ZNF804B: variants seen among roughly 807,000 people sequenced by gnomAD.
ZNF804B encodes the protein zinc finger protein 804B, also known as zinc finger 804B.
In ZNF804B, 80 loss-of-function variants were observed where a neutral mutation model predicts 101.4. The ratio of observed to expected loss-of-function variants is 0.79; its 90% CI spans 0.66 to 0.95. The LOEUF (loss-of-function observed/expected upper bound fraction) is 0.95. Among genes scored for constraint, ZNF804B ranks in the 40% least tolerant of loss-of-function variants. The pLI, the probability that ZNF804B is intolerant of heterozygous loss-of-function variation, is 0.00. For missense variants in ZNF804B, 1,673 were observed against 1,561.9 expected, an observed-to-expected ratio of 1.07 and a Z score of -1.20; for synonymous variants, 622 against 558.8, an observed-to-expected ratio of 1.11 and a Z score of -1.59.
At chr7:89,023,266 C>A (rs1788696208) in intron 1 of ZNF804B, among the ~76,000 whole-genome samples, 1 of 152,112 alleles carries the variant, frequency 6.6e-6, no homozygotes, top group Admixed American at 6.5e-5. Context: ...CCAGTGAACT[C>A]AATTGGCTGT....
At chr7:89,259,009 A>G (rs1242235228) in intron 2 of ZNF804B, among the ~76,000 whole-genome samples, 1 of 152,142 alleles carries the variant, frequency 6.6e-6, no homozygotes, top group Non-Finnish European at 1.5e-5. Context: ...TTCTAAAAAA[A>G]TGTTTCTACA....
At chr7:89,028,446 T>C (rs1197973705) in intron 1 of ZNF804B, among the ~76,000 whole-genome samples, 1 of 152,210 alleles carries the variant, frequency 6.6e-6, no homozygotes, top group African/African-American at 2.4e-5. Context: ...ACTATGAAGA[T>C]ATAGTTAACT....
intron 1 of ZNF804B, among the ~76,000 whole-genome samples, chr7:89,185,245 T>C (rs13223100): frequency 0.18 from 26,669 of 152,226 alleles, 2,426 homozygotes; most frequent in Middle Eastern, 0.29. Flanking sequence ...GCTGAAGCTA[T>C]AAACTTGATT....
intron 1 of ZNF804B, among the ~76,000 whole-genome samples, chr7:88,826,235 T>G (rs1254581342): frequency 6.6e-6 from 1 of 152,184 alleles, no homozygotes; most frequent in Non-Finnish European, 1.5e-5. Context: ...GTTATGTATT[T>G]GATTAGAGAA....
intron 1 of ZNF804B, among the ~76,000 whole-genome samples, chr7:89,084,366 A>C (rs1039850846): frequency 6.6e-6 from 1 of 151,934 alleles, no homozygotes; most frequent in African/African-American, 2.4e-5. Context: ...ATACTGAAAG[A>C]GAGGTTAAAT....
intron 1 of ZNF804B, among the ~76,000 whole-genome samples, chr7:89,186,153 T>A (rs1021558660): frequency 1.3e-5 from 2 of 152,032 alleles, no homozygotes; most frequent in African/African-American, 2.4e-5. Context: ...AATAATTTTG[T>A]AAATAGAAAT....
At chr7:89,012,359 A>G (rs963736822) in intron 1 of ZNF804B, among the ~76,000 whole-genome samples, 9 of 151,990 alleles carry the variant, frequency 5.9e-5, no homozygotes, top group South Asian at 2.1e-4. Context: ...GCCTCTCATC[A>G]CTCATGCAAA....
chr7:89,062,762 T>C (rs184076951), intron 1 of ZNF804B, among the ~76,000 whole-genome samples: 3 of 152,242 alleles, frequency 2.0e-5, no homozygotes, highest in East Asian at 1.9e-4. Context: ...TCCAGATTCA[T>C]TGAGGCGAGT....
intron 1 of ZNF804B, among the ~76,000 whole-genome samples, chr7:89,007,446 TTATATATA>T (rs61374091): frequency 0.025 from 1,423 of 57,188 alleles, 38 homozygotes; most frequent in South Asian, 0.054. Context: ...ATCCATGATT[TTATATATA>T]TATATATATA....
At chr7:89,093,085 C>T (rs985265069) in intron 1 of ZNF804B, among the ~76,000 whole-genome samples, 2 of 152,040 alleles carry the variant, frequency 1.3e-5, no homozygotes, top group African/African-American at 4.8e-5. Context: ...ATTGCTAATC[C>T]ATTACTGCAT....
chr7:89,198,267 A>G (rs1231602109), intron 1 of ZNF804B, among the ~76,000 whole-genome samples: 2 of 151,910 alleles, frequency 1.3e-5, no homozygotes, highest in African/African-American at 4.8e-5. Context: ...CAGGCAAAAT[A>G]ATTGGTGTGA....
At chr7:88,894,863 A>G (rs1180045372) in intron 1 of ZNF804B, among the ~76,000 whole-genome samples, 1 of 152,130 alleles carries the variant, frequency 6.6e-6, no homozygotes, top group Non-Finnish European at 1.5e-5. Flanking sequence ...TAAATATATG[A>G]AACACTGGGG....
chr7:89,241,465 C>T (rs117780898), intron 2 of ZNF804B, among the ~76,000 whole-genome samples: 5,046 of 152,152 alleles, frequency 0.033, 111 homozygotes, highest in Non-Finnish European at 0.049. Context: ...CACTAATTTC[C>T]TTGAAGCTAT....
intron 2 of ZNF804B, among the ~76,000 whole-genome samples, chr7:89,275,841 G>A (rs941991817): frequency 2.0e-5 from 3 of 151,542 alleles, no homozygotes; most frequent in Non-Finnish European, 2.9e-5. Flanking sequence ...TATCCCCATC[G>A]CCTAGAAATG....
chr7:89,242,749 A>T (rs1038844752), intron 2 of ZNF804B, among the ~76,000 whole-genome samples: 1 of 151,908 alleles, frequency 6.6e-6, no homozygotes, highest in Non-Finnish European at 1.5e-5. Flanking sequence ...GTAATATAAA[A>T]TTACATTTAT....
At position 89,263,357 on chromosome 7, in the gene ZNF804B, T is replaced by C. The variant is rs368214207; in HGVS notation, c.249+45062T>C. ...TTTAAAGTTGTGCTTTGATATGGCT[T>C]TTTTCCGCTGCTTGTTGTTTCTCAG... On this transcript the variant is annotated intron_variant, in intron 2 of 3. Coordinates refer to ENST00000333190, the MANE Select transcript of ZNF804B (RefSeq NM_181646.5). 2.5e-3 allele frequency among the ~76,000 whole-genome samples: 386 copies of C among 151,928 alleles called. 3 individuals are homozygous for C. Among genetic ancestry groups the C allele is most frequent in the African/African-American group, 9.0e-3 (373 of 41,386 alleles).
At chr7:88,839,589 A>G (rs1240418355) in intron 1 of ZNF804B, among the ~76,000 whole-genome samples, 1 of 152,080 alleles carries the variant, frequency 6.6e-6, no homozygotes, top group Non-Finnish European at 1.5e-5. Context: ...AAATTGAAAT[A>G]ATTAGATCCA....
intron 2 of ZNF804B, among the ~76,000 whole-genome samples, chr7:89,259,068 G>T (rs1445026415): frequency 1.3e-5 from 2 of 152,022 alleles, no homozygotes; most frequent in African/African-American, 4.8e-5. Flanking sequence ...AAGGGTTCAT[G>T]TCATAAGATA....
chr7:88,830,408 C>T (rs1378390826), intron 1 of ZNF804B, among the ~76,000 whole-genome samples: 3 of 152,044 alleles, frequency 2.0e-5, no homozygotes, highest in African/African-American at 4.8e-5. Context: ...AAACTCACCA[C>T]ATAAAGATAA....
Sources: gnomAD v4.1 joint callset for allele counts (sites outside exome capture counted in the v4.1 genomes callset) on GRCh38, gnomAD v4.1.1 for gene constraint, MANE v1.5 for transcripts, NCBI Gene and HGNC (gene_info 2026-07-23, HGNC 2026-07-21) for gene names.